TRPM7: variants seen among roughly 807,000 people sequenced by gnomAD.
TRPM7 encodes transient receptor potential cation channel subfamily M member 7.
TRPM7 carries 134 observed loss-of-function variants against 229.7 expected under a neutral mutation model. That is an observed-to-expected ratio of 0.58 (90% CI 0.51 to 0.67). The LOEUF is 0.67. TRPM7 is among the 30% of genes least tolerant of loss of function. The pLI is 0.00. For missense variants in TRPM7, 1,901 were observed against 2,210.0 expected (o/e 0.86, Z 2.80); for synonymous variants, 699 against 715.2 (o/e 0.98, Z 0.36).
intron 38 of TRPM7, among the ~76,000 whole-genome samples, chr15:50,563,019 A>T (rs561531155): frequency 6.6e-6 from 1 of 152,324 alleles, no homozygotes; most frequent in East Asian, 1.9e-4. Flanking sequence ...TGCGAATGGT[A>T]AGAAGACAGT....
At chr15:50,672,230 T>C (rs1195239954) in intron 1 of TRPM7, among the ~76,000 whole-genome samples, 1 of 152,076 alleles carries the variant, frequency 6.6e-6, no homozygotes, top group Non-Finnish European at 1.5e-5. Flanking sequence ...ATTTTTTGTA[T>C]TTTTAGTAGA....
Position 50,686,770 on chromosome 15 carries a change from CG to C in TRPM7, c.-238del. The stretch of plus-strand genomic sequence containing the variant: ...CTGGCCACAGGGACGCGCCCGCGCC[CG>C]CCTCCGCCGGCGACGGGGCTGGGGA... On this transcript the variant is annotated 5_prime_UTR_variant, in exon 1 of 39. Transcript: ENST00000646667. The C allele has an allele frequency of 2.1e-6, 1 of 466,696 alleles. No homozygotes were observed. Among genetic ancestry groups the C allele is most frequent in the Non-Finnish European group, 3.7e-6 (1 of 273,644 alleles). The allele number at this position is 466,696 out of a possible 1,614,324, so 28.9% of individuals were successfully genotyped here.
chr15:50,566,040 G>C (rs545025475), intron 38 of TRPM7, among the ~76,000 whole-genome samples: 10 of 151,994 alleles, frequency 6.6e-5, no homozygotes, highest in Non-Finnish European at 1.2e-4. Flanking sequence ...GGCCAGGTTG[G>C]TATCGACCTC....
chr15:50,564,254 AAAATAAAATAAAATAAAATAAAATAAAAT>A (rs2053467826), intron 38 of TRPM7, among the ~76,000 whole-genome samples: 1 of 34,438 alleles, frequency 2.9e-5, no homozygotes, highest in Non-Finnish European at 5.9e-5. Context: ...CTCAAAAAAT[AAAATAAAATAAAATAAAATAAAATAAAAT>A]AAAATAAAAT....
At position 50,575,776 on chromosome 15, in the gene TRPM7, A is replaced by G; in HGVS notation, c.4683T>C (p.Asn1561=). The change falls in exon 33 of 39, where the codon AAT becomes AAC. Residue 1561 remains asparagine (N), a synonymous_variant. Transcript: ENST00000646667. ...TGCTCTGTGATAACCTCATCAAGTTATTTCTTTCCACAGCTGCATAAAAAT... is the reference window on the plus strand; with the variant it reads ...TGCTCTGTGATAACCTCATCAAGTTGTTTCTTTCCACAGCTGCATAAAAAT... ...TNYYYSAVER[N]NLMRLSQSIP... 6.2e-7 allele frequency: 1 copy of G among 1,613,568 alleles called. No homozygotes were observed. The highest frequency in any genetic ancestry group is 8.5e-7 in the Non-Finnish European group (1 of 1,179,752).
intron 15 of TRPM7, 43 bp from the exon 16 acceptor site, chr15:50,612,872 C>T (rs2060100968): frequency 6.5e-7 from 1 of 1,531,868 alleles, no homozygotes; most frequent in Middle Eastern, 1.9e-4. Flanking sequence ...ATAATAAGGC[C>T]ATATGAAATT....
intron 1 of TRPM7, among the ~76,000 whole-genome samples, chr15:50,669,845 T>A (rs189930608): frequency 1.3e-5 from 2 of 152,278 alleles, no homozygotes; most frequent in Admixed American, 1.3e-4. Flanking sequence ...GGGCACATAA[T>A]ACAATCAGCG....
In TRPM7 at chr15:50,609,612, T is replaced by A; in HGVS notation, c.2549A>T (p.His850Leu). 4.3e-6 allele frequency: 7 copies of A among 1,610,058 alleles called. No individual in the cohort carries two copies. Among genetic ancestry groups the A allele is most frequent in the Non-Finnish European group, 5.9e-6 (7 of 1,178,774 alleles). ...PITRKFYAFYHAPIVKFWFNT... is the reference protein window; with the variant it reads ...PITRKFYAFYLAPIVKFWFNT... ...AAACCAGAATTTTACAATTGGTGCA[T>A]GATAAAAGGCATAAAACTTTCGCGT... is the stretch of plus-strand genomic sequence containing the variant. Residue 850 changes from histidine (H) to leucine (L), a missense_variant, in exon 19 of 39, where the codon CAT (histidine) becomes CTT (leucine). Coordinates refer to ENST00000646667, the MANE Select transcript of TRPM7 (RefSeq NM_017672.6).
chr15:50,589,418 C>T (rs1354830810), intron 27 of TRPM7, among the ~76,000 whole-genome samples, 174 bp downstream of exon 27: 1 of 151,014 alleles, frequency 6.6e-6, no homozygotes, highest in Non-Finnish European at 1.5e-5. Flanking sequence ...TTTCATGTTC[C>T]TCAATTGTTC....
chr15:50,645,937 G>A (rs894764492), intron 4 of TRPM7, among the ~76,000 whole-genome samples: 1 of 151,896 alleles, frequency 6.6e-6, no homozygotes, highest in East Asian at 1.9e-4. Context: ...GAGGCAGGTG[G>A]ATCACTTGAG....
chr15:50,620,350 G>A (rs2060356732), intron 12 of TRPM7, among the ~76,000 whole-genome samples: 1 of 150,362 alleles, frequency 6.7e-6, no homozygotes, highest in South Asian at 2.1e-4. Context: ...GTTAGTGTTA[G>A]TGTATTTTAT....
chr15:50,685,674 T>C (rs185481202), intron 1 of TRPM7, among the ~76,000 whole-genome samples: 4 of 152,354 alleles, frequency 2.6e-5, no homozygotes, highest in Admixed American at 2.6e-4. Flanking sequence ...AAATACCTAC[T>C]TTGCTCTTCA....
At position 50,668,237 on chromosome 15, in the gene TRPM7, T is replaced by C. The variant is rs535654727; in HGVS notation, c.4-5191A>G. ...AAGGAAAAAACATTCAGGACTGTCA[T>C]GGAGGGCTGGAATGTTCACGTGTAT... On this transcript the variant is annotated intron_variant, in intron 1 of 38. Transcript: ENST00000646667. 1.4e-4 allele frequency among the ~76,000 whole-genome samples: 22 copies of C among 152,330 alleles called. No individual in the cohort carries two copies. The East Asian group carries it at 4.0e-3, about 28-fold the overall frequency.
chr15:50,634,320 G>A (rs936124726), intron 8 of TRPM7, 62 bp downstream of exon 8: 15 of 1,253,650 alleles, frequency 1.2e-5, no homozygotes, highest in South Asian at 7.8e-5. Flanking sequence ...GCAAGACTCC[G>A]TATCAAAAAT....
chr15:50,589,734 T>C (rs2059436694), intron 26 of TRPM7, 78 bp from the exon 27 acceptor site: 3 of 916,340 alleles, frequency 3.3e-6, no homozygotes, highest in African/African-American at 1.7e-5. Context: ...TTAAAGTTTA[T>C]AAAAACAATA....
intron 13 of TRPM7, among the ~76,000 whole-genome samples, chr15:50,617,252 T>A (rs1220999959): frequency 1.3e-5 from 2 of 151,440 alleles, no homozygotes; most frequent in African/African-American, 4.8e-5. Flanking sequence ...GGAGAATTGC[T>A]TGAACCTGAG....
intron 1 of TRPM7, among the ~76,000 whole-genome samples, chr15:50,667,165 C>T (rs1430037395): frequency 6.6e-6 from 1 of 152,092 alleles, no homozygotes; most frequent in Non-Finnish European, 1.5e-5. Context: ...TGGGGAAATA[C>T]ACAGCTCTCT....
intron 38 of TRPM7, among the ~76,000 whole-genome samples, chr15:50,567,918 T>C (rs759202646): frequency 6.6e-6 from 1 of 150,532 alleles, no homozygotes; most frequent in Admixed American, 6.6e-5. Context: ...CTACTAAAAA[T>C]ACAAAAAAAA....
intron 1 of TRPM7, among the ~76,000 whole-genome samples, chr15:50,678,565 A>T (rs1366585984): frequency 6.7e-6 from 1 of 149,310 alleles, no homozygotes; most frequent in Admixed American, 6.7e-5. Flanking sequence ...CATATACATA[A>T]TTTTATTATG....
Sources: gnomAD v4.1 joint callset for allele counts (sites outside exome capture counted in the v4.1 genomes callset) on GRCh38, gnomAD v4.1.1 for gene constraint, MANE v1.5 for transcripts, NCBI Gene and HGNC (gene_info 2026-07-23, HGNC 2026-07-21) for gene names.